MRTFA: variants seen among roughly 807,000 people sequenced by gnomAD.
The protein encoded by MRTFA is myocardin-related transcription factor A.
A neutral mutation model predicts 83.5 loss-of-function variants in MRTFA; 20 were observed. The observed-to-expected ratio is 0.24, with a 90% CI of 0.17 to 0.35. MRTFA has a LOEUF of 0.35. MRTFA is among the 10% of genes least tolerant of loss of function. The pLI is 1.00. For missense variants in MRTFA, 1,200 were observed against 1,224.7 expected (o/e 0.98, Z 0.30); for synonymous variants, 659 against 541.2 (o/e 1.22, Z -3.02).
rs145960912 is a variant in MRTFA, at chr22:40,435,073, G to A, written c.363+426C>T. On this transcript the variant is annotated intron_variant, in intron 5 of 14. Transcript: ENST00000355630. ...AGGTTTCCTGCCCCTTGGAATGCCC[G>A]TCCTGTGAGGTGTGGCCAGTGTAAC... 9.8e-5 allele frequency among the ~76,000 whole-genome samples: 15 copies of A among 152,288 alleles called. No homozygotes were observed. In the East Asian group the frequency reaches 1.9e-3, roughly 20 times the overall value.
At chr22:40,478,636 C>T (rs944461544) in intron 3 of MRTFA, among the ~76,000 whole-genome samples, 8 of 152,100 alleles carry the variant, frequency 5.3e-5, no homozygotes, top group African/African-American at 1.5e-4. Context: ...TGGCGTGAGA[C>T]GACGAATCTC....
At chr22:40,529,211 T>G (rs1310156835) in intron 3 of MRTFA, among the ~76,000 whole-genome samples, 1 of 152,134 alleles carries the variant, frequency 6.6e-6, no homozygotes, top group Non-Finnish European at 1.5e-5. Context: ...AAACATACAG[T>G]GCAGAAACAA....
chr22:40,418,591 G>A lies in MRTFA; in HGVS notation c.2147C>T (p.Pro716Leu), dbSNP rs201542621. ...CTTCACCACCACGGACGGGGGCCCC[G>A]GGGCCACAGCACAAGGGTCTATGTG... The change falls in exon 12 of 15, where the codon CCG becomes CTG. Residue 716 changes from proline (P) to leucine (L), a missense_variant. By Grantham distance (98) the Pro-to-Leu change is moderately conservative. Around this residue, in one of 2 missense-constraint regions of MRTFA, gnomAD observed 1,107 missense variants for 1,041.8 expected, o/e 1.06. Coordinates refer to ENST00000355630, the MANE Select transcript of MRTFA (RefSeq NM_020831.6). 6.0e-5 allele frequency: 92 copies of A among 1,546,146 alleles called. No homozygotes were observed. The highest frequency in any genetic ancestry group is 9.0e-5 in the East Asian group (4 of 44,500).
intron 7 of MRTFA, among the ~76,000 whole-genome samples, chr22:40,428,424 G>A (rs947668568): frequency 1.3e-5 from 2 of 152,166 alleles, no homozygotes; most frequent in Non-Finnish European, 1.5e-5. Context: ...AGAGAAAAAC[G>A]GCTTTTTCCC....
chr22:40,466,609 A>G (rs17001943), intron 3 of MRTFA, among the ~76,000 whole-genome samples: 13,138 of 152,264 alleles, frequency 0.086, 821 homozygotes, highest in East Asian at 0.24. Context: ...AAGATGAACT[A>G]TTAGAAAATT....
chr22:40,571,751 TACTAACAAG>T (rs2055796500), intron 2 of MRTFA, among the ~76,000 whole-genome samples: 1 of 150,426 alleles, frequency 6.6e-6, no homozygotes, highest in South Asian at 2.1e-4. Context: ...ACCCCGTCTC[TACTAACAAG>T]ACCAAAAAAA....
intron 2 of MRTFA, among the ~76,000 whole-genome samples, chr22:40,567,024 T>G (rs992707740): frequency 1.3e-5 from 2 of 152,234 alleles, no homozygotes; most frequent in Admixed American, 1.3e-4. Flanking sequence ...TTTGGTGATG[T>G]GACCTTGAGT....
At chr22:40,551,365 T>C (rs1047855625) in intron 3 of MRTFA, among the ~76,000 whole-genome samples, 3 of 151,976 alleles carry the variant, frequency 2.0e-5, no homozygotes, top group Admixed American at 6.6e-5. Flanking sequence ...TATTTATTAT[T>C]TGTTTGTTTG....
chr22:40,476,145 A>C (rs947542551), intron 3 of MRTFA, among the ~76,000 whole-genome samples: 1 of 149,010 alleles, frequency 6.7e-6, no homozygotes, highest in African/African-American at 2.4e-5. Flanking sequence ...CTCCGTCTCA[A>C]AAAAAAAAAA....
chr22:40,609,189 G>T (rs947562906), intron 1 of MRTFA, among the ~76,000 whole-genome samples: 6 of 151,840 alleles, frequency 4.0e-5, no homozygotes, highest in African/African-American at 1.5e-4. Context: ...TTCTCAGGAG[G>T]CTGAGGCAGG....
chr22:40,442,046 C>T (rs906346353), intron 4 of MRTFA, among the ~76,000 whole-genome samples: 3 of 152,136 alleles, frequency 2.0e-5, no homozygotes, highest in South Asian at 2.1e-4. Flanking sequence ...CAAGCCAACA[C>T]TTTTCCCTTG....
intron 4 of MRTFA, among the ~76,000 whole-genome samples, chr22:40,443,615 G>GCACAA (rs1454475540): frequency 2.0e-5 from 3 of 152,112 alleles, no homozygotes; most frequent in Admixed American, 2.0e-4. Flanking sequence ...GGGCAGCCCA[G>GCACAA]CACAACAGAA....
intron 3 of MRTFA, among the ~76,000 whole-genome samples, chr22:40,492,807 T>C (rs971374801): frequency 6.6e-6 from 1 of 152,198 alleles, no homozygotes; most frequent in Non-Finnish European, 1.5e-5. Flanking sequence ...ACAGTACTGA[T>C]GTGGGAACCA....
At chr22:40,550,852 CT>C (rs111531159) in intron 3 of MRTFA, among the ~76,000 whole-genome samples, 11,027 of 89,368 alleles carry the variant, frequency 0.12, 454 homozygotes, top group East Asian at 0.41. Context: ...TTTCTTTTTT[CT>C]TTTTTTTTTT....
chr22:40,419,068 G>A lies in MRTFA; in HGVS notation c.1670C>T (p.Pro557Leu). 1 of 1,609,316 alleles carries A rather than the reference G, an allele frequency of 6.2e-7. No homozygotes were observed. The highest frequency in any genetic ancestry group is 8.5e-7 in the Non-Finnish European group (1 of 1,178,448). Residue 557 changes from proline (P) to leucine (L), a missense_variant, in exon 12 of 15, where the codon CCC becomes CTC. Pro to Leu is a moderately conservative substitution (Grantham distance 98, BLOSUM62 -3). Transcript: ENST00000355630. ...CGTGCTGAGCAGTGAGCGCTCCGAG[G>A]GGGTGGGAGACACGGGGGGCGTGGA... is the stretch of plus-strand genomic sequence containing the variant.
chr22:40,426,397 T>C (rs1178609021), intron 7 of MRTFA, among the ~76,000 whole-genome samples: 3 of 152,126 alleles, frequency 2.0e-5, no homozygotes, highest in Non-Finnish European at 4.4e-5. Flanking sequence ...AATCCCTCCT[T>C]AAGCCAGCAC....
chr22:40,528,364 T>C (rs1177179668), intron 3 of MRTFA, among the ~76,000 whole-genome samples: 1 of 152,172 alleles, frequency 6.6e-6, no homozygotes, highest in African/African-American at 2.4e-5. Context: ...TTCTTTGAAA[T>C]GGGTAAATTT....
intron 4 of MRTFA, among the ~76,000 whole-genome samples, chr22:40,437,381 C>T (rs1461676710): frequency 3.3e-5 from 5 of 152,166 alleles, no homozygotes; most frequent in African/African-American, 4.8e-5. Context: ...CAAGAGAAAA[C>T]GGACACTGTC....
At chr22:40,494,630 G>A (rs1294619536) in intron 3 of MRTFA, among the ~76,000 whole-genome samples, 2 of 151,186 alleles carry the variant, frequency 1.3e-5, no homozygotes, top group Non-Finnish European at 2.9e-5. Flanking sequence ...GCAGTGAGCC[G>A]AGATCATGCC....
Sources: allele counts gnomAD v4.1 joint callset (sites outside exome capture counted in the v4.1 genomes callset), GRCh38; gene constraint gnomAD v4.1.1; regional missense constraint gnomAD v4.1.1; transcripts MANE v1.5; gene names NCBI Gene and HGNC (gene_info 2026-07-23, HGNC 2026-07-21).